The following LINS1 variants were observed in gnomAD, a reference collection of about 807,000 sequenced individuals.
LINS1 encodes the protein protein Lines homolog 1.
LINS1 carries 27 observed loss-of-function variants against 41.6 expected under a neutral mutation model. The ratio of observed to expected loss-of-function variants is 0.65; its 90% CI spans 0.48 to 0.89. The LOEUF (loss-of-function observed/expected upper bound fraction) is 0.89, where lower values mean the gene tolerates loss of function less well. Ranked by LOEUF, LINS1 falls within the 40% of genes least tolerant of loss-of-function variation. The probability of loss-of-function intolerance (pLI) is 0.00; values close to 1 mark genes in which losing one functional copy is unlikely to be tolerated. For synonymous variants in LINS1, 336 were observed against 312.9 expected, an observed-to-expected ratio of 1.07 and a Z score of -0.78; for missense variants, 955 against 884.1, an observed-to-expected ratio of 1.08 and a Z score of -1.02.
chr15:100,580,808 T>A lies in LINS1; in HGVS notation c.35A>T (p.Tyr12Phe). Residue 12 changes from tyrosine to phenylalanine, a missense_variant, in exon 2 of 7, where the codon TAC (tyrosine) becomes TTC (phenylalanine). Physicochemically the swap from Tyr to Phe is conservative, Grantham distance 22. Transcript: ENST00000314742. ...KVFCEVLEEL[Y>F]KKVLLGATLE... ...TGTGGCTCCAAGAAGTACCTTCTTGTATAACTCTTCTAAAACTTCACAGAA... is the reference window on the plus strand; with the variant it reads ...TGTGGCTCCAAGAAGTACCTTCTTGAATAACTCTTCTAAAACTTCACAGAA... 1.9e-6 allele frequency: 3 copies of A among 1,612,672 alleles called. No homozygotes were observed. Among genetic ancestry groups the A allele is most frequent in the Non-Finnish European group, 2.5e-6 (3 of 1,179,268 alleles).
In LINS1 at chr15:100,580,474, G is replaced by T. The variant is rs994084627; in HGVS notation, c.369C>A (p.Leu123=). ...TAGAATCGACTTTGGCTGATTCTAA[G>T]AGAATTTTAATTACATCTCTGTACT... ...KEQYRDVIKI[L]LESAKVDSKL... Residue 123 remains leucine, a synonymous_variant, in exon 2 of 7, where the codon CTC becomes CTA. Coordinates refer to ENST00000314742, the MANE Select transcript of LINS1 (RefSeq NM_001040616.3). 1.9e-6 allele frequency: 3 copies of T among 1,613,982 alleles called. No homozygotes were observed. The highest frequency in any genetic ancestry group is 2.5e-6 in the Non-Finnish European group (3 of 1,179,924).
intron 1 of LINS1, among the ~76,000 whole-genome samples, chr15:100,585,652 A>G (rs2038769206): frequency 6.6e-6 from 1 of 152,156 alleles, no homozygotes. Context: ...AAGCTATTGG[A>G]TCTTCGTTCG....
chr15:100,593,564 G>C (rs991703837), intron 1 of LINS1, among the ~76,000 whole-genome samples: 2 of 148,652 alleles, frequency 1.3e-5, no homozygotes, highest in East Asian at 2.0e-4. Context: ...CTTTATGGGG[G>C]GGGGGGGTGC....
intron 3 of LINS1, among the ~76,000 whole-genome samples, chr15:100,579,576 A>G (rs2038408814): frequency 6.6e-6 from 1 of 152,144 alleles, no homozygotes; most frequent in Non-Finnish European, 1.5e-5. Flanking sequence ...CTATTTTCCA[A>G]ATTTTCTACT....
In LINS1 at chr15:100,573,681, G is replaced by A. The variant is rs769673975; in HGVS notation, c.1192C>T (p.Gln398Ter). 5 of 1,609,006 alleles carry A rather than the reference G, an allele frequency of 3.1e-6. No individual in the cohort carries two copies. Among genetic ancestry groups the A allele is most frequent in the Non-Finnish European group, 4.2e-6 (5 of 1,177,266 alleles). The change falls in exon 5 of 7, where the codon CAA becomes TAA. Residue 398 changes from glutamine to a stop codon, truncating the protein, a stop_gained. Transcript: ENST00000314742. LOFTEE classifies it high-confidence loss of function. ...ACTTCACTTGCTGAAGAATAATTTT[G>A]AAACTTGATTTCTAAGGATTTCATT... ...VIMKSLEIKF[Q>*]NYSSASEVKV...
At chr15:100,583,423 T>C (rs568093435) in intron 1 of LINS1, among the ~76,000 whole-genome samples, 6 of 152,282 alleles carry the variant, frequency 3.9e-5, no homozygotes, top group Admixed American at 6.5e-5. Flanking sequence ...AAGAAACCTA[T>C]AGATTTTAAA....
intron 1 of LINS1, among the ~76,000 whole-genome samples, chr15:100,591,217 T>C (rs1309671661): frequency 6.6e-6 from 1 of 152,200 alleles, no homozygotes; most frequent in Non-Finnish European, 1.5e-5. Context: ...TAGTTTCCCT[T>C]GTGTGCTGTA....
rs1223124005 is a variant in LINS1, at chr15:100,570,059, G to A, written c.1453C>T (p.His485Tyr). 1 of 1,569,884 alleles carries A rather than the reference G, an allele frequency of 6.4e-7. No homozygotes were observed. The highest frequency in any genetic ancestry group is 8.6e-7 in the Non-Finnish European group (1 of 1,167,016). ...CAGTGAGGATTATAGCCATTTTCAT[G>A]TGTGTGATGGTCCCACATTTCTTTT... Reference protein sequence around the residue: ...QGKEMWDHHTHENGYNPHCIF... With the variant: ...QGKEMWDHHTYENGYNPHCIF... The change falls in exon 7 of 7, where the codon CAT becomes TAT. Residue 485 changes from histidine (H) to tyrosine (Y), a missense_variant. Coordinates refer to ENST00000314742, the MANE Select transcript of LINS1 (RefSeq NM_001040616.3).
Position 100,569,603 on chromosome 15 carries a change from C to A in LINS1, c.1909G>T (p.Val637Leu), listed in dbSNP as rs376634257. 1.1e-5 allele frequency: 17 copies of A among 1,613,502 alleles called. No individual in the cohort carries two copies. In the South Asian group the frequency reaches 1.4e-4, roughly 14 times the overall value. ...VDYDSSDDSD[V>L]ESTEQCLANS... ...GCTAAACACTGCTCTGTGGATTCCA[C>A]GTCAGAATCGTCAGAGCTGTCGTAA... is the stretch of plus-strand genomic sequence containing the variant. The change falls in exon 7 of 7, where the codon GTG becomes TTG. Residue 637 changes from valine (V) to leucine (L), a missense_variant. By Grantham distance (32) the Val-to-Leu change is conservative. Transcript: ENST00000314742.
rs2039174864 is a variant in LINS1 at position 100,594,735 on chromosome 15, A to C, written c.-104+7386T>G. 3.3e-5 allele frequency among the ~76,000 whole-genome samples: 5 copies of C among 152,114 alleles called. No homozygotes were observed. The South Asian group carries it at 1.0e-3, about 32-fold the overall frequency. On this transcript the variant is annotated intron_variant, in intron 1 of 6. Transcript: ENST00000314742. ...AAAAATCCATACATGTTCAGTGCCA[A>C]CTCTGAGCATAGGGCTGGTTCCCCC...
chr15:100,572,187 A>G (rs2141270982), intron 5 of LINS1, 122 bp from the exon 6 acceptor site: 1 of 1,518,628 alleles, frequency 6.6e-7, no homozygotes, highest in Non-Finnish European at 8.8e-7. Context: ...TTCACTTTCA[A>G]AAAGTCATCA....
At chr15:100,596,006 G>A (rs192256456) in intron 1 of LINS1, among the ~76,000 whole-genome samples, 10 of 152,272 alleles carry the variant, frequency 6.6e-5, no homozygotes, top group South Asian at 4.1e-4. Context: ...GATATCTTCC[G>A]ACAGCATGCC....
chr15:100,584,462 C>G (rs962190937), intron 1 of LINS1, among the ~76,000 whole-genome samples: 2 of 151,978 alleles, frequency 1.3e-5, no homozygotes, highest in Admixed American at 6.6e-5. Flanking sequence ...GGGCTGTTTT[C>G]TCTCATGGTG....
At chr15:100,572,138 T>G in intron 5 of LINS1, 73 bp from the exon 6 acceptor site, 1 of 1,576,832 alleles carries the variant, frequency 6.3e-7, no homozygotes, top group South Asian at 1.2e-5. Context: ...ATATATAAAT[T>G]CATAGTGTCT....
chr15:100,576,878 A>T (rs2038218298), intron 3 of LINS1, among the ~76,000 whole-genome samples: 2 of 152,240 alleles, frequency 1.3e-5, no homozygotes, highest in Admixed American at 1.3e-4. Context: ...AACATATGCA[A>T]ATCAGTAAAT....
intron 3 of LINS1, among the ~76,000 whole-genome samples, chr15:100,575,653 T>G (rs2141286811): frequency 6.6e-6 from 1 of 152,300 alleles, no homozygotes; most frequent in South Asian, 2.1e-4. Context: ...GGAATTGAAT[T>G]CAGCTCTGCA....
Position 100,569,346 on chromosome 15 carries a change from G to A in LINS1, c.2166C>T (p.Ala722=). Residue 722 remains alanine, a synonymous_variant, in exon 7 of 7, where the codon GCC becomes GCT. Coordinates refer to ENST00000314742, the MANE Select transcript of LINS1 (RefSeq NM_001040616.3). Reference sequence around the variant, plus strand: ...GATTTTTCTTTTGCAAACGGCAGATGGCATCTTGTAGTTCCTGGAAGCATT... The same window carrying A: ...GATTTTTCTTTTGCAAACGGCAGATAGCATCTTGTAGTTCCTGGAAGCATT... ...IVKCFQELQD[A]ICRLQKKNLF... 3.7e-6 allele frequency: 6 copies of A among 1,614,022 alleles called. No homozygotes were observed. The highest frequency in any genetic ancestry group is 5.1e-6 in the Non-Finnish European group (6 of 1,179,990).
At chr15:100,591,523 GACCAAACCAA>G (rs1402247065) in intron 1 of LINS1, among the ~76,000 whole-genome samples, 1 of 152,138 alleles carries the variant, frequency 6.6e-6, no homozygotes, top group African/African-American at 2.4e-5. Flanking sequence ...GGCCCCAACA[GACCAAACCAA>G]ACCAAACCAA....
At chr15:100,590,324 T>G (rs2038977772) in intron 1 of LINS1, among the ~76,000 whole-genome samples, 1 of 152,244 alleles carries the variant, frequency 6.6e-6, no homozygotes, top group African/African-American at 2.4e-5. Context: ...ATGAATAACC[T>G]TATACTTTGA....
Sources: gnomAD v4.1 joint callset for allele counts (sites outside exome capture counted in the v4.1 genomes callset) on GRCh38, gnomAD v4.1.1 for gene constraint, MANE v1.5 for transcripts, NCBI Gene and HGNC (gene_info 2026-07-23, HGNC 2026-07-21) for gene names.